The following ITSN2 variants were observed in gnomAD, a reference collection of about 807,000 sequenced individuals.
ITSN2 encodes intersectin-2.
A neutral mutation model predicts 243.7 loss-of-function variants in ITSN2; 156 were observed. The ratio of observed to expected loss-of-function variants is 0.64; its 90% confidence interval spans 0.56 to 0.73. The LOEUF is 0.73. ITSN2 is among the 30% of genes least tolerant of loss of function. ITSN2 has a pLI of 0.00. For missense variants in ITSN2, 1,801 were observed against 1,996.1 expected (o/e 0.90, Z 1.86); for synonymous variants, 703 against 699.9 (o/e 1.00, Z -0.07).
intron 1 of ITSN2, among the ~76,000 whole-genome samples, chr2:24,350,436 A>G (rs1359892294): frequency 1.3e-5 from 2 of 152,182 alleles, no homozygotes; most frequent in Non-Finnish European, 2.9e-5. Flanking sequence ...AATGTTAAAC[A>G]TAGGTTACCA....
intron 8 of ITSN2, among the ~76,000 whole-genome samples, chr2:24,304,916 C>A (rs1193880574): frequency 1.3e-5 from 2 of 152,164 alleles, no homozygotes; most frequent in Non-Finnish European, 2.9e-5. Flanking sequence ...TGTATGTACA[C>A]TCTTAGTCGG....
chr2:24,285,630 C>T (rs1245408958), intron 16 of ITSN2, among the ~76,000 whole-genome samples: 1 of 152,206 alleles, frequency 6.6e-6, no homozygotes, highest in Non-Finnish European at 1.5e-5. Flanking sequence ...CTTCAGTGTA[C>T]AATGAATACT....
At chr2:24,359,731 T>C (rs1688776860) in intron 1 of ITSN2, among the ~76,000 whole-genome samples, 1 of 152,170 alleles carries the variant, frequency 6.6e-6, no homozygotes, top group Admixed American at 6.5e-5. Context: ...ACGCTGAAGG[T>C]AAATTTAACA....
At chr2:24,212,587 C>T in intron 33 of ITSN2, 63 bp downstream of exon 33, 11 of 1,309,904 alleles carry the variant, frequency 8.4e-6, no homozygotes, top group Non-Finnish European at 1.2e-5. Context: ...AGGATCTGGC[C>T]TCTGTGGACC....
At chr2:24,332,775 T>C (rs1423189593) in intron 1 of ITSN2, among the ~76,000 whole-genome samples, 6 of 152,236 alleles carry the variant, frequency 3.9e-5, no homozygotes, top group African/African-American at 1.2e-4. Flanking sequence ...AATTGAAATT[T>C]TGAAAATGCA....
At chr2:24,292,852 T>C (rs1406649609) in intron 15 of ITSN2, among the ~76,000 whole-genome samples, 1 of 152,246 alleles carries the variant, frequency 6.6e-6, no homozygotes, top group Non-Finnish European at 1.5e-5. Flanking sequence ...CTTTGCCTTA[T>C]TTCTTAATTT....
intron 1 of ITSN2, among the ~76,000 whole-genome samples, chr2:24,338,549 C>T (rs1174914571): frequency 6.6e-6 from 1 of 152,204 alleles, no homozygotes; most frequent in Admixed American, 6.5e-5. Flanking sequence ...TTTTCATCGA[C>T]ATGAGAAGAG....
intron 20 of ITSN2, among the ~76,000 whole-genome samples, chr2:24,263,202 C>A (rs1206462217): frequency 6.6e-6 from 1 of 151,926 alleles, no homozygotes; most frequent in East Asian, 1.9e-4. Flanking sequence ...TAAATAATGA[C>A]TTATTTACAT....
chr2:24,345,667 C>T (rs924163417), intron 1 of ITSN2, among the ~76,000 whole-genome samples: 2 of 151,776 alleles, frequency 1.3e-5, no homozygotes, highest in Admixed American at 1.3e-4. Context: ...TGAAAATACC[C>T]AGTGCTGTTA....
intron 23 of ITSN2, among the ~76,000 whole-genome samples, chr2:24,255,124 GA>G (rs987326532): frequency 2.0e-5 from 3 of 152,176 alleles, no homozygotes; most frequent in African/African-American, 7.2e-5. Context: ...TTATCTGTTA[GA>G]AAACACTAGT....
chr2:24,237,318 A>AT (rs1672272898), intron 29 of ITSN2, among the ~76,000 whole-genome samples: 1 of 151,844 alleles, frequency 6.6e-6, no homozygotes, highest in Non-Finnish European at 1.5e-5. Flanking sequence ...AAATTTCATT[A>AT]TTTTTTAAAA....
At chr2:24,268,509 A>T (rs934674444) in intron 20 of ITSN2, among the ~76,000 whole-genome samples, 1 of 152,138 alleles carries the variant, frequency 6.6e-6, no homozygotes, top group Admixed American at 6.6e-5. Context: ...GACAAGGAAC[A>T]TGAAGTGCCT....
At chr2:24,272,199 C>T (rs544053325) in intron 18 of ITSN2, among the ~76,000 whole-genome samples, 38 of 152,180 alleles carry the variant, frequency 2.5e-4, no homozygotes, top group African/African-American at 8.9e-4. Flanking sequence ...CAAAAATTCC[C>T]TCCTGCTAAC....
chr2:24,273,157 G>C (rs1040845214), intron 18 of ITSN2, among the ~76,000 whole-genome samples: 1 of 152,032 alleles, frequency 6.6e-6, no homozygotes, highest in South Asian at 2.1e-4. Context: ...AAATATTGTA[G>C]GCCCTTAGTC....
intron 30 of ITSN2, among the ~76,000 whole-genome samples, chr2:24,218,224 C>G (rs1348567291): frequency 6.6e-6 from 1 of 152,192 alleles, no homozygotes; most frequent in Non-Finnish European, 1.5e-5. Context: ...CTTATCAAGG[C>G]TAGTTCCAAG....
In ITSN2 at chr2:24,264,504, A is replaced by AT. The variant is rs1185758620; in HGVS notation, c.2356-2763dup. On this transcript the variant is annotated intron_variant, in intron 20 of 39. Transcript: ENST00000355123. ...AGATTTTCTCTGTTTTCTTCTAGAA[A>AT]TTCTACAGTTATAGGTTCACATTTG... Among the ~76,000 whole-genome samples the AT allele has an allele frequency of 3.3e-5, 5 of 152,312 alleles. No individual in the cohort carries two copies. The East Asian group carries it at 9.6e-4, about 29-fold the overall frequency.
intron 1 of ITSN2, among the ~76,000 whole-genome samples, chr2:24,346,811 C>A (rs1011494535): frequency 6.6e-6 from 1 of 151,088 alleles, no homozygotes; most frequent in Middle Eastern, 3.5e-3. Context: ...CTAATTTTGA[C>A]CACATTCATT....
At chr2:24,235,353 G>A (rs1672043467) in intron 29 of ITSN2, among the ~76,000 whole-genome samples, 1 of 152,138 alleles carries the variant, frequency 6.6e-6, no homozygotes, top group African/African-American at 2.4e-5. Flanking sequence ...AACAGGTAGA[G>A]CACAGAAGAT....
At chr2:24,335,498 A>G (rs1348298535) in intron 1 of ITSN2, among the ~76,000 whole-genome samples, 1 of 152,090 alleles carries the variant, frequency 6.6e-6, no homozygotes, top group Non-Finnish European at 1.5e-5. Context: ...ATGCTCAGCT[A>G]ATTTTTAAAT....
Sources: gnomAD v4.1 joint callset for allele counts (sites outside exome capture counted in the v4.1 genomes callset) on GRCh38, gnomAD v4.1.1 for gene constraint, MANE v1.5 for transcripts, NCBI Gene and HGNC (gene_info 2026-07-23, HGNC 2026-07-21) for gene names.